Variants in SPRED2 observed in about 807,000 individuals in gnomAD.
SPRED2 encodes sprouty-related, EVH1 domain-containing protein 2.
In SPRED2, 47 loss-of-function variants were observed where a neutral mutation model predicts 43.0. The ratio of observed to expected loss-of-function variants is 1.09; its 90% CI spans 0.87 to 1.40. The LOEUF (loss-of-function observed/expected upper bound fraction) is 1.40, where lower values mean the gene tolerates loss of function less well. SPRED2 is among the 40% of genes most tolerant of loss of function. The probability of loss-of-function intolerance (pLI) is 0.00; values close to 1 mark genes in which losing one functional copy is unlikely to be tolerated. For synonymous variants in SPRED2, 225 were observed against 225.7 expected (o/e 1.00, Z 0.03); for missense variants, 561 against 586.4 (o/e 0.96, Z 0.45).
chr2:65,331,003 A>AT (rs1673796000), intron 4 of SPRED2, among the ~76,000 whole-genome samples: 1 of 151,820 alleles, frequency 6.6e-6, no homozygotes, highest in South Asian at 2.1e-4. Context: ...ACAGAAAAAA[A>AT]ATCAGAATGC....
chr2:65,322,325 G>A (rs1673456779), intron 4 of SPRED2, among the ~76,000 whole-genome samples: 1 of 97,242 alleles, frequency 1.0e-5, no homozygotes, highest in African/African-American at 4.2e-5. Flanking sequence ...ACGGAGTCTT[G>A]CTCCGTTGCC....
At chr2:65,309,686 G>A (rs996791477), downstream of SPRED2, among the ~76,000 whole-genome samples, 1 of 152,152 alleles carries the variant, frequency 6.6e-6, no homozygotes, top group Non-Finnish European at 1.5e-5. Context: ...TTCCTCACTT[G>A]TAAGGTGGAA....
chr2:65,377,555 T>A (rs1232129453), intron 1 of SPRED2: 2 of 471,180 alleles, frequency 4.2e-6, no homozygotes, highest in Non-Finnish European at 8.8e-6. Context: ...GGGGGAACAC[T>A]GTGGCAAAGC....
At chr2:65,395,519 C>T (rs964860287) in intron 1 of SPRED2, among the ~76,000 whole-genome samples, 1 of 152,190 alleles carries the variant, frequency 6.6e-6, no homozygotes, top group Non-Finnish European at 1.5e-5. Flanking sequence ...TACCACACCC[C>T]GCATCACCTG....
chr2:65,377,556 G>T, intron 1 of SPRED2: 1 of 471,206 alleles, frequency 2.1e-6, no homozygotes, highest in South Asian at 1.5e-5. Flanking sequence ...GGGGAACACT[G>T]TGGCAAAGCA....
chr2:65,360,060 A>G (rs137920479), intron 1 of SPRED2, among the ~76,000 whole-genome samples: 2,375 of 119,490 alleles, frequency 0.02, 76 homozygotes, highest in African/African-American at 0.069. Context: ...GCGAGACTCC[A>G]TCTCAAAAAA....
In SPRED2 at chr2:65,313,354, G is replaced by C. The variant is rs1329314579; in HGVS notation, c.*147C>G. The C allele has an allele frequency of 6.7e-7, 1 of 1,489,198 alleles. No individual in the cohort carries two copies. Among genetic ancestry groups the C allele is most frequent in the East Asian group, 2.3e-5 (1 of 43,386 alleles). 92.2% of individuals were successfully genotyped at this position (1,489,198 alleles called of 1,614,324 possible). A position where few individuals can be genotyped will look rare whatever the true frequency, so the allele number is the denominator to read the frequency against. ...GTCTACCCGGCAGCGTCCCTGGCTG[G>C]AATGGTGCCTCGAGGTACCAGGGAG... On this transcript the variant is annotated 3_prime_UTR_variant, in exon 6 of 6. Transcript: ENST00000356388.
chr2:65,391,075 G>A (rs1295092181), intron 1 of SPRED2, among the ~76,000 whole-genome samples: 5 of 122,942 alleles, frequency 4.1e-5, no homozygotes, highest in Non-Finnish European at 6.9e-5. Flanking sequence ...GTGACAGAGC[G>A]AGACTCCATC....
intron 4 of SPRED2, among the ~76,000 whole-genome samples, chr2:65,327,134 T>G (rs1275168663): frequency 2.6e-5 from 4 of 152,092 alleles, no homozygotes; most frequent in Non-Finnish European, 5.9e-5. Flanking sequence ...GGGATTACAG[T>G]TGTGAGCCAC....
At chr2:65,309,812 G>C (rs560619099), downstream of SPRED2, among the ~76,000 whole-genome samples, 1 of 152,292 alleles carries the variant, frequency 6.6e-6, no homozygotes, top group Non-Finnish European at 1.5e-5. Flanking sequence ...GGGCGCCCCA[G>C]AGAACCAGAC....
rs1674308735 is a variant in SPRED2, at chr2:65,345,028, A to G, written c.27-132T>C. On this transcript the variant is annotated intron_variant, in intron 1 of 5. Coordinates refer to ENST00000356388, the MANE Select transcript of SPRED2 (RefSeq NM_181784.3). Reference sequence around the variant, plus strand: ...CGAAAGAAATCTATGCTTGGCGGCAACCTTAAAAAGTGGTCCATCTCAACT... The same window carrying G: ...CGAAAGAAATCTATGCTTGGCGGCAGCCTTAAAAAGTGGTCCATCTCAACT... 3.5e-6 allele frequency: 3 copies of G among 845,144 alleles called. No individual in the cohort carries two copies. The East Asian group carries it at 8.1e-5, about 23-fold the overall frequency. 52.4% of individuals were successfully genotyped at this position (845,144 alleles called of 1,614,324 possible). A position where few individuals can be genotyped will look rare whatever the true frequency, so the allele number is the denominator to read the frequency against.
At chr2:65,407,963 C>T (rs1012912783) in intron 1 of SPRED2, among the ~76,000 whole-genome samples, 6 of 152,222 alleles carry the variant, frequency 3.9e-5, no homozygotes, top group African/African-American at 1.2e-4. Flanking sequence ...GTTATCAAAA[C>T]GATTATGACA....
chr2:65,425,842 C>T (rs562110000), intron 1 of SPRED2, among the ~76,000 whole-genome samples: 6 of 152,302 alleles, frequency 3.9e-5, no homozygotes, highest in Admixed American at 6.5e-5. Context: ...TTAAAAAACT[C>T]GGCCTAATTT....
chr2:65,422,759 G>T (rs1676461414), intron 1 of SPRED2, among the ~76,000 whole-genome samples: 1 of 152,038 alleles, frequency 6.6e-6, no homozygotes. Context: ...AAGGTTTTTT[G>T]TTGTTGTTTT....
intron 1 of SPRED2, among the ~76,000 whole-genome samples, chr2:65,366,305 A>AAACAACAACAACAACAAC (rs6146790): frequency 9.9e-5 from 15 of 151,556 alleles, no homozygotes; most frequent in African/African-American, 2.4e-4. Flanking sequence ...TAATAATAAA[A>AAACAACAACAACAACAAC]AACAACAACA....
At chr2:65,349,717 A>T (rs1674454496) in intron 1 of SPRED2, among the ~76,000 whole-genome samples, 1 of 152,264 alleles carries the variant, frequency 6.6e-6, no homozygotes, top group South Asian at 2.1e-4. Context: ...TAGAGAATTT[A>T]AAAATACCAT....
intron 1 of SPRED2, among the ~76,000 whole-genome samples, chr2:65,422,002 T>G (rs955824543): frequency 3.3e-5 from 5 of 152,054 alleles, no homozygotes; most frequent in Non-Finnish European, 7.4e-5. Context: ...AATCTTTTCC[T>G]CACCTGTGGT....
chr2:65,372,191 C>CCACT (rs1190143185), intron 1 of SPRED2, among the ~76,000 whole-genome samples: 2 of 152,156 alleles, frequency 1.3e-5, no homozygotes, highest in Non-Finnish European at 2.9e-5. Flanking sequence ...CTCCCAAAGC[C>CCACT]CACTCTGTGT....
intron 1 of SPRED2, among the ~76,000 whole-genome samples, chr2:65,400,158 C>T (rs1160519277): frequency 6.6e-6 from 1 of 152,124 alleles, no homozygotes; most frequent in African/African-American, 2.4e-5. Context: ...TCTGGTCCCT[C>T]CACAATCCTC....
Sources: gnomAD v4.1 joint callset for allele counts (sites outside exome capture counted in the v4.1 genomes callset) on GRCh38, gnomAD v4.1.1 for gene constraint, MANE v1.5 for transcripts, NCBI Gene and HGNC (gene_info 2026-07-23, HGNC 2026-07-21) for gene names.